The following COL2A1 variants were observed in gnomAD, a reference collection of about 807,000 sequenced individuals.
The protein encoded by COL2A1 is collagen alpha-1(II) chain.
Under a neutral mutation model 204.5 loss-of-function variants are expected in COL2A1, and 28 were observed. The ratio of observed to expected loss-of-function variants is 0.14; its 90% CI spans 0.10 to 0.19. The LOEUF is 0.19. Ranked by LOEUF, COL2A1 falls within the 10% of genes least tolerant of loss-of-function variation. The pLI, the probability that COL2A1 is intolerant of heterozygous loss-of-function variation, is 1.00. For missense variants in COL2A1, 1,388 were observed against 2,027.5 expected (o/e 0.68, Z 6.06); for synonymous variants, 708 against 718.7 (o/e 0.99, Z 0.24).
chr12:48,003,481 G>C (rs1208055286), intron 1 of COL2A1, among the ~76,000 whole-genome samples: 3 of 152,154 alleles, frequency 2.0e-5, no homozygotes, highest in Admixed American at 6.5e-5. Flanking sequence ...GGTCTGGTTG[G>C]AATGTTATCG....
chr12:47,978,079 T>A lies in COL2A1; in HGVS notation c.3042A>T (p.Gly1014=). The change falls in exon 44 of 54, where the codon GGA becomes GGT. Residue 1014 remains glycine (G), a synonymous_variant. Transcript: ENST00000380518. This position sits in a 1 kb window ranked among gnomAD's most constrained non-coding sequence, Gnocchi z 5.5. ...CCACGGGGCCAGGAGGACCTCTGTC[T>A]CCAGATGCTCCAGGAGCACCCTGCT... ...PGKQGAPGAS[G]DRGPPGPVGP... is the part of the protein sequence containing the mutation. 1.9e-6 allele frequency: 3 copies of A among 1,613,738 alleles called. No homozygotes were observed. The highest frequency in any genetic ancestry group is 2.5e-6 in the Non-Finnish European group (3 of 1,179,982).
chr12:47,994,520 A>G, intron 11 of COL2A1, 43 bp from the exon 12 acceptor site: 1 of 1,608,912 alleles, frequency 6.2e-7, no homozygotes, highest in Middle Eastern at 2.0e-4. Context: ...TCAGAGACGC[A>G]GTAGCATAGT....
intron 47 of COL2A1, 79 bp downstream of exon 47, chr12:47,977,023 C>A: frequency 6.5e-7 from 1 of 1,546,970 alleles, no homozygotes; most frequent in East Asian, 2.3e-5. Flanking sequence ...GGGCTGGAGG[C>A]CCAGGAACCA....
intron 40 of COL2A1, among the ~76,000 whole-genome samples, chr12:47,979,796 G>C (rs571140559): frequency 6.6e-6 from 1 of 152,200 alleles, no homozygotes; most frequent in Admixed American, 6.5e-5. Context: ...GGAGCTGAAC[G>C]AGGGACAAGC....
chr12:47,979,205 TAAAGCACACAGAC>T (rs756164777), intron 41 of COL2A1, among the ~76,000 whole-genome samples: 10 of 152,058 alleles, frequency 6.6e-5, no homozygotes, highest in Non-Finnish European at 1.3e-4. Flanking sequence ...GGACTTGCTT[TAAAGCACACAGAC>T]AAGTGCACAG....
chr12:47,996,050 G>A (rs1939945855), intron 8 of COL2A1, 131 bp from the exon 9 acceptor site: 2 of 729,484 alleles, frequency 2.7e-6, no homozygotes, highest in African/African-American at 3.5e-5. Context: ...GCCTAGAGTG[G>A]CTGCTCCCTC....
At chr12:47,991,913 A>G (rs1182438711) in intron 16 of COL2A1, among the ~76,000 whole-genome samples, 2 of 152,166 alleles carry the variant, frequency 1.3e-5, no homozygotes, top group Non-Finnish European at 1.5e-5. Flanking sequence ...AGGGGGGTCG[A>G]GGCTTCTGCT....
At position 47,976,752 on chromosome 12, in the gene COL2A1, T is replaced by C; in HGVS notation, c.3435+60A>G. On this transcript the variant is annotated intron_variant, in intron 48 of 53. Coordinates refer to ENST00000380518, the MANE Select transcript of COL2A1 (RefSeq NM_001844.5). This position sits in a 1 kb window ranked among gnomAD's most constrained non-coding sequence, Gnocchi z 4.3. The stretch of plus-strand genomic sequence containing the variant: ...AAGCTGTCCTGGCAGCACAGGGAGC[T>C]CAAGTGGGCTCTGTGTGGCAGGAGG... 1 of 1,506,604 alleles carries C rather than the reference T, an allele frequency of 6.6e-7. No individual in the cohort carries two copies. The highest frequency in any genetic ancestry group is 9.2e-7 in the Non-Finnish European group (1 of 1,092,578). 93.3% of individuals were successfully genotyped at this position (1,506,604 alleles called of 1,614,324 possible). A position where few individuals can be genotyped will look rare whatever the true frequency, so the allele number is the denominator to read the frequency against.
rs545120998 is a variant in COL2A1, at chr12:47,984,995, G to A, written c.1833C>T (p.Asn611=). The change falls in exon 27 of 54, where the codon AAC becomes AAT. Residue 611 remains asparagine, a splice_region_variant and synonymous_variant. Transcript: ENST00000380518. ...VMGFPGPKGA[N]GEPGKAGEKG... is the part of the protein sequence containing the mutation. ...AATAGAAGAGCAAATTATTACTTACGTTGGCACCTTTGGGGCCAGGGAAAC... is the reference window on the plus strand; with the variant it reads ...AATAGAAGAGCAAATTATTACTTACATTGGCACCTTTGGGGCCAGGGAAAC... 26 of 1,612,944 alleles carry A rather than the reference G, an allele frequency of 1.6e-5. No individual in the cohort carries two copies. The highest frequency in any genetic ancestry group is 6.7e-5 in the East Asian group (3 of 44,878).
chr12:47,994,632 C>T (rs1939864552), intron 11 of COL2A1, among the ~76,000 whole-genome samples, 155 bp from the exon 12 acceptor site: 1 of 152,252 alleles, frequency 6.6e-6, no homozygotes, highest in South Asian at 2.1e-4. Flanking sequence ...GCCTGGATGC[C>T]TTTCATGGGT....
At position 47,978,809 on chromosome 12, in the gene COL2A1, C is replaced by T. The variant is rs985851880; in HGVS notation, c.2734-51G>A. 6.2e-7 allele frequency: 1 copy of T among 1,600,338 alleles called. No homozygotes were observed. Among genetic ancestry groups the T allele is most frequent in the African/African-American group, 1.4e-5 (1 of 73,930 alleles). On this transcript the variant is annotated intron_variant, in intron 41 of 53. Coordinates refer to ENST00000380518, the MANE Select transcript of COL2A1 (RefSeq NM_001844.5). This position sits in a 1 kb window ranked among gnomAD's most constrained non-coding sequence, Gnocchi z 5.5. The stretch of plus-strand genomic sequence containing the variant: ...AGGACTCATCTCACCCTTCCTCATC[C>T]AGGCTGCCAAAGTCACTGTGGCCTC...
Position 47,981,372 on chromosome 12 carries a change from C to A in COL2A1, c.2434G>T (p.Ala812Ser). ...EKGEVGPPGP[A>S]GSAGARGAPG... ...GCGCCACGAGCACCAGCACTTCCTG[C>A]AGGACCAGGAGGTCCAACTTCTCCC... Residue 812 changes from alanine (A) to serine (S), a missense_variant, in exon 37 of 54, where the codon GCA becomes TCA. Ala to Ser is a moderately conservative substitution (Grantham distance 99). This residue lies in a region of COL2A1 where 884 missense variants were observed against 1,415.8 expected (regional missense o/e 0.62). Transcript: ENST00000380518. 1 of 1,612,680 alleles carries A rather than the reference C, an allele frequency of 6.2e-7. No individual in the cohort carries two copies. Among genetic ancestry groups the A allele is most frequent in the Non-Finnish European group, 8.5e-7 (1 of 1,179,780 alleles).
intron 14 of COL2A1, 41 bp from the exon 15 acceptor site, chr12:47,993,543 T>C: frequency 4.4e-6 from 7 of 1,590,022 alleles, no homozygotes; most frequent in Non-Finnish European, 5.2e-6. Flanking sequence ...GGGACCCCAT[T>C]CTTGGCCGCC....
At chr12:47,999,842 C>T (rs1429807996) in intron 2 of COL2A1, 77 bp downstream of exon 2, 1 of 1,328,290 alleles carries the variant, frequency 7.5e-7, no homozygotes, top group Non-Finnish European at 1.1e-6. Flanking sequence ...GCAGAGACGA[C>T]CAGCATCTAT....
Position 47,984,986 on chromosome 12 carries a change from ATTAC to A in COL2A1, c.1833+5_1833+8del, listed in dbSNP as rs1333622101. On this transcript the variant is annotated splice_donor_5th_base_variant and intron_variant, in intron 27 of 53. Coordinates refer to ENST00000380518, the MANE Select transcript of COL2A1 (RefSeq NM_001844.5). ...ATGGAAGGAAATAGAAGAGCAAATTATTACTTACGTTGGCACCTTTGGGGCCAGG... is the reference window on the plus strand; with the variant it reads ...ATGGAAGGAAATAGAAGAGCAAATTATTACGTTGGCACCTTTGGGGCCAGG... 1.2e-6 allele frequency: 2 copies of A among 1,611,630 alleles called. No homozygotes were observed. The highest frequency in any genetic ancestry group is 8.5e-7 in the Non-Finnish European group (1 of 1,178,342).
rs1312401277 is a variant in COL2A1, at chr12:47,985,478, T to C, written c.1734+56A>G. 2.6e-6 allele frequency: 4 copies of C among 1,561,546 alleles called. No individual in the cohort carries two copies. The African/African-American group carries it at 5.4e-5, about 21-fold the overall frequency. On this transcript the variant is annotated intron_variant, in intron 26 of 53. Transcript: ENST00000380518. ...CCCAAACTCCATCTCTCTTTTCCCTTGCTTCCCCAGGGAGATCCCCCCACC... is the reference window on the plus strand; with the variant it reads ...CCCAAACTCCATCTCTCTTTTCCCTCGCTTCCCCAGGGAGATCCCCCCACC...
chr12:47,996,692 G>T, intron 7 of COL2A1, 67 bp from the exon 8 acceptor site: 1 of 1,225,924 alleles, frequency 8.2e-7, no homozygotes, highest in Non-Finnish European at 1.2e-6. Context: ...GGCTAGGTAA[G>T]CTCTATATGG....
chr12:47,998,162 C>T lies in COL2A1; in HGVS notation c.342+7G>A. 1 of 1,614,154 alleles carries T rather than the reference C, an allele frequency of 6.2e-7. No homozygotes were observed. The highest frequency in any genetic ancestry group is 1.7e-5 in the Admixed American group (1 of 60,016). ...TGCAATACCGGGTGAGAATAATTTGCACTTACATCCTTGATGTCTCCAGGT... is the reference window on the plus strand; with the variant it reads ...TGCAATACCGGGTGAGAATAATTTGTACTTACATCCTTGATGTCTCCAGGT... On this transcript the variant is annotated splice_region_variant and intron_variant, in intron 4 of 53. Coordinates refer to ENST00000380518, the MANE Select transcript of COL2A1 (RefSeq NM_001844.5).
At position 47,977,339 on chromosome 12, in the gene COL2A1, T is replaced by G; in HGVS notation, c.3254A>C (p.Gln1085Pro). 6.2e-7 allele frequency: 1 copy of G among 1,613,592 alleles called. No individual in the cohort carries two copies. The highest frequency in any genetic ancestry group is 1.1e-5 in the South Asian group (1 of 91,074). ...SPGPAGPTGK[Q>P]GDRGEAGAQG... Reference sequence around the variant, plus strand: ...ACTTACAGCTTCTCCTCTGTCTCCTTGCTTGCCAGTTGGACCAGCGGGGCC... The same window carrying G: ...ACTTACAGCTTCTCCTCTGTCTCCTGGCTTGCCAGTTGGACCAGCGGGGCC... Residue 1085 changes from glutamine to proline, a missense_variant, in exon 46 of 54, where the codon CAA becomes CCA. Physicochemically the swap from Gln to Pro is moderately conservative, Grantham distance 76 (BLOSUM62 -1). This residue lies in a region of COL2A1 where 884 missense variants were observed against 1,415.8 expected (regional missense o/e 0.62). Coordinates refer to ENST00000380518, the MANE Select transcript of COL2A1 (RefSeq NM_001844.5).
Sources: gnomAD v4.1 joint callset for allele counts (sites outside exome capture counted in the v4.1 genomes callset) on GRCh38, gnomAD v4.1.1 for gene constraint, gnomAD v4.1.1 regional missense constraint, Gnocchi (gnomAD v3.1) non-coding constraint, MANE v1.5 for transcripts, NCBI Gene and HGNC (gene_info 2026-07-23, HGNC 2026-07-21) for gene names.